Variants in FZD3 observed in about 807,000 individuals in gnomAD.
The protein encoded by FZD3 is frizzled class receptor 3.
A neutral mutation model predicts 60.7 loss-of-function variants in FZD3; 30 were observed. The ratio of observed to expected loss-of-function variants is 0.49; its 90% CI spans 0.37 to 0.67. FZD3 has a LOEUF of 0.67. Among genes scored for constraint, FZD3 ranks in the 30% least tolerant of loss-of-function variants. The pLI is 0.00. For missense variants in FZD3, 605 were observed against 838.7 expected (o/e 0.72, Z 3.44); for synonymous variants, 246 against 275.2 (o/e 0.89, Z 1.05).
chr8:28,551,889 T>C (rs1320610520), intron 6 of FZD3, 138 bp downstream of exon 6: 16 of 704,004 alleles, frequency 2.3e-5, no homozygotes, highest in South Asian at 1.8e-4. Context: ...CCAGTTATGA[T>C]TGGCACAGTA....
chr8:28,513,302 T>C (rs1804337036), intron 3 of FZD3, among the ~76,000 whole-genome samples: 1 of 152,316 alleles, frequency 6.6e-6, no homozygotes, highest in South Asian at 2.1e-4. Flanking sequence ...GTCCATGATA[T>C]TGGAAATATT....
chr8:28,538,520 A>G (rs1042199635), intron 5 of FZD3, among the ~76,000 whole-genome samples: 27 of 152,170 alleles, frequency 1.8e-4, no homozygotes, highest in African/African-American at 6.0e-4. Context: ...ACAGTAAGTT[A>G]CAGAGCTGGG....
At chr8:28,514,421 C>T (rs1286204651) in intron 3 of FZD3, among the ~76,000 whole-genome samples, 3 of 152,002 alleles carry the variant, frequency 2.0e-5, no homozygotes, top group African/African-American at 7.3e-5. Flanking sequence ...AGTAAACTGC[C>T]CTCATATAAA....
At chr8:28,494,952 C>G (rs1009381949) in intron 1 of FZD3, among the ~76,000 whole-genome samples, 1 of 152,158 alleles carries the variant, frequency 6.6e-6, no homozygotes, top group African/African-American at 2.4e-5. Flanking sequence ...TTTGCAAAGT[C>G]CTTGCTCCCT....
Position 28,540,031 on chromosome 8 carries a change from A to G in FZD3, c.1405-11572A>G, listed in dbSNP as rs1397647946. On this transcript the variant is annotated intron_variant, in intron 5 of 7. Transcript: ENST00000240093. The stretch of plus-strand genomic sequence containing the variant: ...TTTTATATGGTGGTTGAAAGGAGTT[A>G]TTGCAACTCTGTAGATTAAATCCAA... Among the ~76,000 whole-genome samples the G allele has an allele frequency of 2.0e-5, 3 of 152,228 alleles. No homozygotes were observed. In the East Asian group the frequency reaches 5.8e-4, roughly 29 times the overall value.
At position 28,571,993 on chromosome 8, in the gene FZD3, C is replaced by G. The variant is rs571083795; in HGVS notation, c.*8982C>G. 2 of 152,084 alleles carry G rather than the reference C, an allele frequency of 1.3e-5. No homozygotes were observed. The highest frequency in any genetic ancestry group is 2.4e-5 in the African/African-American group (1 of 41,420). 9.4% of individuals were successfully genotyped at this position (152,084 alleles called of 1,614,324 possible). ...TTAATAGTAATTATGAGTTATTTCA[C>G]TCTCTGTAATTTGTGATACCCAAGA... is the stretch of plus-strand genomic sequence containing the variant. On this transcript the variant is annotated 3_prime_UTR_variant, in exon 8 of 8. Transcript: ENST00000240093.
chr8:28,502,359 T>A (rs1251691036), intron 2 of FZD3, among the ~76,000 whole-genome samples: 1 of 152,186 alleles, frequency 6.6e-6, no homozygotes, highest in Non-Finnish European at 1.5e-5. Flanking sequence ...GCATAATAAT[T>A]TTTCAAAATG....
At chr8:28,557,654 C>G (rs2130468953) in intron 7 of FZD3, among the ~76,000 whole-genome samples, 3 of 152,236 alleles carry the variant, frequency 2.0e-5, no homozygotes, top group Admixed American at 2.0e-4. Flanking sequence ...TTTCTTCTCC[C>G]TAATCCATCC....
Position 28,563,410 on chromosome 8 carries a change from TAAAG to T in FZD3, c.*403_*406del, listed in dbSNP as rs1453687093. 3 of 171,798 alleles carry T rather than the reference TAAAG, an allele frequency of 1.7e-5. No homozygotes were observed. The highest frequency in any genetic ancestry group is 3.8e-5 in the Non-Finnish European group (3 of 79,770). 10.6% of individuals were successfully genotyped at this position (171,798 alleles called of 1,614,324 possible). ...TCAGTTAATAAAACAATTTCAGAAT[TAAAG>T]AAATTTTCTATGCAAGGTTTACTTC... On this transcript the variant is annotated 3_prime_UTR_variant, in exon 8 of 8. Transcript: ENST00000240093.
intron 3 of FZD3, among the ~76,000 whole-genome samples, chr8:28,519,237 C>G (rs1804509403): frequency 6.6e-6 from 1 of 152,156 alleles, no homozygotes; most frequent in Admixed American, 6.5e-5. Flanking sequence ...ATGACTCAAA[C>G]TATTATATAA....
chr8:28,562,451 T>C (rs890784394), intron 7 of FZD3, among the ~76,000 whole-genome samples: 2 of 152,158 alleles, frequency 1.3e-5, no homozygotes, highest in African/African-American at 4.8e-5. Context: ...ATTTCTTCTA[T>C]TTGTTGTTAC....
rs755513558 is a variant in FZD3 at position 28,527,588 on chromosome 8, A to G, written c.828A>G (p.Thr276=). The change falls in exon 5 of 8, where the codon ACA becomes ACG. Residue 276 remains threonine (T), a synonymous_variant. Transcript: ENST00000240093. This position sits in a 1 kb window ranked among gnomAD's most constrained non-coding sequence, Gnocchi z 5.0. ...ASIPAQYKAS[T]VTQGSHNKAC... is the part of the protein sequence containing the mutation. ...TCCCTGCACAATATAAGGCTTCCAC[A>G]GTGACACAAGGATCTCATAATAAAG... 1.2e-6 allele frequency: 2 copies of G among 1,613,970 alleles called. No individual in the cohort carries two copies. The highest frequency in any genetic ancestry group is 1.1e-5 in the South Asian group (1 of 91,064).
chr8:28,563,168 C>T lies in FZD3; in HGVS notation c.*157C>T, dbSNP rs1805646695. The T allele has an allele frequency of 3.3e-6, 2 of 605,236 alleles. No individual in the cohort carries two copies. Among genetic ancestry groups the T allele is most frequent in the Admixed American group, 5.6e-5 (2 of 35,774 alleles). 37.5% of individuals were successfully genotyped at this position (605,236 alleles called of 1,614,324 possible). ...GGTAAATGATTGCTTTTTTATATTG[C>T]ATCAAACTTGGAACATCAAGGCATC... is the stretch of plus-strand genomic sequence containing the variant. On this transcript the variant is annotated 3_prime_UTR_variant, in exon 8 of 8. Transcript: ENST00000240093.
In FZD3 at chr8:28,569,523, T is replaced by G. The variant is rs1805767032; in HGVS notation, c.*6512T>G. ...ATTTGACCATTTTATAATCATTATTTTGGTCTCATTTTTATTCTTCTTATT... is the reference window on the plus strand; with the variant it reads ...ATTTGACCATTTTATAATCATTATTGTGGTCTCATTTTTATTCTTCTTATT... On this transcript the variant is annotated 3_prime_UTR_variant, in exon 8 of 8. Transcript: ENST00000240093. 6.6e-6 allele frequency: 1 copy of G among 152,226 alleles called. No individual in the cohort carries two copies. Among genetic ancestry groups the G allele is most frequent in the Middle Eastern group, 3.4e-3 (1 of 294 alleles). The allele number at this position is 152,226 out of a possible 1,614,324, so 9.4% of individuals were successfully genotyped here. A position where few individuals can be genotyped will look rare whatever the true frequency, so the allele number is the denominator to read the frequency against.
intron 5 of FZD3, among the ~76,000 whole-genome samples, chr8:28,529,321 C>T (rs1437592): frequency 0.016 from 2,490 of 152,278 alleles, 86 homozygotes; most frequent in African/African-American, 0.056. Context: ...GCACCAGCCA[C>T]CTTTCCATCT....
chr8:28,525,640 G>T (rs1365486811), intron 4 of FZD3, among the ~76,000 whole-genome samples: 1 of 152,148 alleles, frequency 6.6e-6, no homozygotes. Flanking sequence ...GGTCTGAGTA[G>T]CTCTGGTAAG....
In FZD3 at chr8:28,574,153, GT is replaced by G. The variant is rs1337534322; in HGVS notation, c.*11148del. ...TAGACTGATGTCAGTTTTTGTAAAT[GT>G]TTTTTCTTAGCACTTTAACTGTGAG... On this transcript the variant is annotated 3_prime_UTR_variant, in exon 8 of 8. Transcript: ENST00000240093. 26 of 152,044 alleles carry G rather than the reference GT, an allele frequency of 1.7e-4. No homozygotes were observed. Among genetic ancestry groups the G allele is most frequent in the South Asian group, 2.1e-4 (1 of 4,830 alleles). The allele number at this position is 152,044 out of a possible 1,614,324, so 9.4% of individuals were successfully genotyped here. A position where few individuals can be genotyped will look rare whatever the true frequency, so the allele number is the denominator to read the frequency against.
At chr8:28,536,376 C>A (rs192137235) in intron 5 of FZD3, among the ~76,000 whole-genome samples, 8 of 152,318 alleles carry the variant, frequency 5.3e-5, no homozygotes, top group African/African-American at 1.7e-4. Context: ...CCAAGACTGT[C>A]AAATTCACAT....
rs940171603 is a variant in FZD3, at chr8:28,569,643, A to T, written c.*6632A>T. 2.0e-5 allele frequency: 3 copies of T among 152,162 alleles called. No individual in the cohort carries two copies. The highest frequency in any genetic ancestry group is 4.4e-5 in the Non-Finnish European group (3 of 68,014). 9.4% of individuals were successfully genotyped at this position (152,162 alleles called of 1,614,324 possible). A position where few individuals can be genotyped will look rare whatever the true frequency, so the allele number is the denominator to read the frequency against. On this transcript the variant is annotated 3_prime_UTR_variant, in exon 8 of 8. Coordinates refer to ENST00000240093, the MANE Select transcript of FZD3 (RefSeq NM_017412.4). ...TAAATTGATGGGATTCAGATATTTT[A>T]TCAACTGTTTTTCCATTAGTGATTT...
Sources: allele counts gnomAD v4.1 joint callset (sites outside exome capture counted in the v4.1 genomes callset), GRCh38; gene constraint gnomAD v4.1.1; non-coding constraint Gnocchi (gnomAD v3.1); transcripts MANE v1.5; gene names NCBI Gene and HGNC (gene_info 2026-07-23, HGNC 2026-07-21).